ADORA2B: variants seen among roughly 807,000 people sequenced by gnomAD.
ADORA2B encodes the protein adenosine receptor A2b.
ADORA2B carries 18 observed loss-of-function variants against 20.8 expected under a neutral mutation model. That is an observed-to-expected ratio of 0.87 (90% CI 0.60 to 1.29). The LOEUF is 1.29. ADORA2B is among the 50% of genes most tolerant of loss of function. ADORA2B has a pLI of 0.00. For missense variants in ADORA2B, 441 were observed against 422.7 expected, an observed-to-expected ratio of 1.04 and a Z score of -0.38; for synonymous variants, 179 against 178.3, an observed-to-expected ratio of 1.00 and a Z score of -0.03.
chr17:15,895,251 T>C, the ADORA2B span, among the ~76,000 whole-genome samples: 1 of 152,220 alleles, frequency 6.6e-6, no homozygotes, highest in African/African-American at 2.4e-5. Context: ...AAAATAATGT[T>C]TGGCCAAATA....
At chr17:15,961,875 G>A (rs1970046160) in intron 1 of ADORA2B, among the ~76,000 whole-genome samples, 1 of 152,174 alleles carries the variant, frequency 6.6e-6, no homozygotes, top group Non-Finnish European at 1.5e-5. Flanking sequence ...ATTCATTCCT[G>A]AGGCCAGAGC....
the ADORA2B span, among the ~76,000 whole-genome samples, chr17:15,897,802 G>T: frequency 6.6e-6 from 1 of 152,124 alleles, no homozygotes; most frequent in African/African-American, 2.4e-5. Flanking sequence ...AAATGAGAAA[G>T]TGAAAGTACT....
the ADORA2B span, among the ~76,000 whole-genome samples, chr17:15,903,060 AAT>A: frequency 6.6e-6 from 1 of 152,242 alleles, no homozygotes; most frequent in Non-Finnish European, 1.5e-5. Context: ...TGTGTTTCAC[AAT>A]GAGTAGTTAT....
the ADORA2B span, among the ~76,000 whole-genome samples, chr17:15,938,104 G>A: frequency 2.6e-5 from 4 of 151,888 alleles, no homozygotes; most frequent in Admixed American, 2.6e-4. Flanking sequence ...CAGAATTTTG[G>A]GAGGCCAAGG....
intron 1 of ADORA2B, among the ~76,000 whole-genome samples, chr17:15,970,198 T>A (rs751892895): frequency 1.6e-4 from 24 of 152,244 alleles, no homozygotes; most frequent in Non-Finnish European, 2.6e-4. Context: ...TTCCAGTGCC[T>A]AGCAGAATGT....
At chr17:15,876,016 A>G in the ADORA2B span, among the ~76,000 whole-genome samples, 1 of 152,058 alleles carries the variant, frequency 6.6e-6, no homozygotes, top group Non-Finnish European at 1.5e-5. Flanking sequence ...CTCCTCCATC[A>G]TGGCTGCCCT....
intron 1 of ADORA2B, among the ~76,000 whole-genome samples, chr17:15,966,649 C>G (rs1259022688): frequency 6.6e-6 from 1 of 152,248 alleles, no homozygotes; most frequent in African/African-American, 2.4e-5. Flanking sequence ...ATCTCCTTAG[C>G]TAATGAGCTC....
At chr17:15,862,325 C>G in the ADORA2B span, among the ~76,000 whole-genome samples, 3 of 148,998 alleles carry the variant, frequency 2.0e-5, no homozygotes, top group East Asian at 6.1e-4. Context: ...AAGTGATTCT[C>G]ATGCCTCAGC....
At chr17:15,911,485 T>A in the ADORA2B span, among the ~76,000 whole-genome samples, 3 of 152,170 alleles carry the variant, frequency 2.0e-5, no homozygotes, top group Non-Finnish European at 2.9e-5. Context: ...CCAGCTCTGC[T>A]CAAAGCAGTT....
upstream of ADORA2B, among the ~76,000 whole-genome samples, chr17:15,943,333 T>G (rs572698838): frequency 2.6e-5 from 4 of 152,124 alleles, no homozygotes; most frequent in Non-Finnish European, 5.9e-5. Flanking sequence ...TCTTCTTGTC[T>G]TTTTTTAGAG....
At position 15,974,561 on chromosome 17, in the gene ADORA2B, C is replaced by G. The variant is rs139032256; in HGVS notation, c.336-118C>G. On this transcript the variant is annotated intron_variant, in intron 1 of 1. Transcript: ENST00000304222. ...TATTGAGGGTAAAGGCCTTAGTGCC[C>G]TGGAAGGTGAACTTTAGAGGTTGTT... 1.3e-4 allele frequency: 120 copies of G among 891,404 alleles called. No individual in the cohort carries two copies. In the African/African-American group the frequency reaches 1.4e-3, roughly 10 times the overall value. 55.2% of individuals were successfully genotyped at this position (891,404 alleles called of 1,614,324 possible).
the ADORA2B span, among the ~76,000 whole-genome samples, chr17:15,851,744 G>T: frequency 2.0e-5 from 3 of 152,174 alleles, 1 homozygote; most frequent in Non-Finnish European, 4.4e-5. Context: ...AAGAGACAAG[G>T]ATGGAATCAA....
the ADORA2B span, among the ~76,000 whole-genome samples, chr17:15,909,950 T>C: frequency 6.6e-6 from 1 of 152,196 alleles, no homozygotes; most frequent in African/African-American, 2.4e-5. Context: ...AAGTGCTGGA[T>C]CTGGCCCGGG....
At chr17:15,963,182 T>C (rs1293318654) in intron 1 of ADORA2B, among the ~76,000 whole-genome samples, 2 of 152,064 alleles carry the variant, frequency 1.3e-5, no homozygotes, top group African/African-American at 2.4e-5. Context: ...AAAGGAATGA[T>C]TGAGTTAAGC....
the ADORA2B span, among the ~76,000 whole-genome samples, chr17:15,928,263 T>TG: frequency 6.6e-6 from 1 of 151,640 alleles, no homozygotes; most frequent in Non-Finnish European, 1.5e-5. Context: ...AGATCTCGCT[T>TG]GGGAGGAGTT....
the ADORA2B span, among the ~76,000 whole-genome samples, chr17:15,872,694 A>G: frequency 2.0e-5 from 3 of 152,062 alleles, no homozygotes; most frequent in Non-Finnish European, 4.4e-5. Flanking sequence ...TTCTTGATTG[A>G]TTCTCAGCTT....
At chr17:15,902,026 C>CG in the ADORA2B span, among the ~76,000 whole-genome samples, 4 of 152,140 alleles carry the variant, frequency 2.6e-5, no homozygotes, top group Non-Finnish European at 5.9e-5. Context: ...AACATTAACT[C>CG]CCCATTCTCC....
the ADORA2B span, among the ~76,000 whole-genome samples, chr17:15,924,979 A>G: frequency 6.6e-6 from 1 of 151,610 alleles, no homozygotes; most frequent in Non-Finnish European, 1.5e-5. Context: ...AGCTCAAGCA[A>G]TCCTCCTGCC....
intron 1 of ADORA2B, among the ~76,000 whole-genome samples, chr17:15,956,181 C>T (rs942960977): frequency 6.6e-6 from 1 of 152,170 alleles, no homozygotes; most frequent in African/African-American, 2.4e-5. Context: ...TTGATGAAGA[C>T]TAAGGGATTT....
Sources: gnomAD v4.1 joint callset for allele counts (sites outside exome capture counted in the v4.1 genomes callset) on GRCh38, gnomAD v4.1.1 for gene constraint, MANE v1.5 for transcripts, NCBI Gene and HGNC (gene_info 2026-07-23, HGNC 2026-07-21) for gene names.